The following SATL1 variants were observed in gnomAD, a reference collection of about 807,000 sequenced individuals.
SATL1 encodes the protein spermidine/spermine N1-acetyl transferase like 1.
A neutral mutation model predicts 51.8 loss-of-function variants in SATL1; 47 were observed. The ratio of observed to expected loss-of-function variants is 0.91; its 90% CI spans 0.72 to 1.16. SATL1 has a LOEUF of 1.16. Ranked by LOEUF, SATL1 falls within the 50% of genes most tolerant of loss-of-function variation. The probability of loss-of-function intolerance (pLI) is 0.00; values close to 1 mark genes in which losing one functional copy is unlikely to be tolerated. For missense variants in SATL1, 520 were observed against 526.4 expected (o/e 0.99, Z 0.12); for synonymous variants, 176 against 182.4 (o/e 0.97, Z 0.28).
At chrX:85,220,901 C>T (rs1485862823) in intron 2 of SATL1, among the ~76,000 whole-genome samples, 1 of 110,311 alleles carries the variant, frequency 9.1e-6, no homozygotes, top group South Asian at 3.9e-4. Context: ...AATATGTCCC[C>T]TCTCCTACCA....
At chrX:85,093,390 T>C (rs916506797) in intron 6 of SATL1, 165 bp from the exon 7 acceptor site, 31 of 472,330 alleles carry the variant, frequency 6.6e-5, no homozygotes, top group African/African-American at 5.6e-4. Flanking sequence ...TTTTTCCTAA[T>C]TGGAATGACG....
In SATL1 at chrX:85,240,152, A is replaced by G. The variant is rs151201496; in HGVS notation, c.-435+3436T>C. On this transcript the variant is annotated intron_variant, in intron 1 of 7. Transcript: ENST00000644105. The stretch of plus-strand genomic sequence containing the variant: ...GAAACAACCACATTAAAAGATGGGC[A>G]AAGAACTTAAATGGACGCTTCATCA... Among the ~76,000 whole-genome samples the G allele has an allele frequency of 3.8e-3, 421 of 111,865 alleles. 5 individuals carry two copies. Among genetic ancestry groups the G allele is most frequent in the African/African-American group, 0.012 (379 of 30,849 alleles).
intron 3 of SATL1, among the ~76,000 whole-genome samples, chrX:85,104,741 C>T (rs905343768): frequency 9.9e-5 from 11 of 111,531 alleles, no homozygotes; most frequent in East Asian, 5.7e-4. Flanking sequence ...TACATCCTCT[C>T]ATATATTTTA....
intron 2 of SATL1, among the ~76,000 whole-genome samples, chrX:85,163,672 G>T (rs752365759): frequency 1.5e-4 from 17 of 111,278 alleles, no homozygotes; most frequent in Non-Finnish European, 2.6e-4. Context: ...GACTTGTTTT[G>T]TGGCCTACAA....
intron 2 of SATL1, among the ~76,000 whole-genome samples, chrX:85,202,943 T>A (rs1440348890): frequency 9.0e-6 from 1 of 111,424 alleles, no homozygotes; most frequent in Non-Finnish European, 1.9e-5. Flanking sequence ...GTCCAGAGAG[T>A]TACTGATTTG....
intron 4 of SATL1, among the ~76,000 whole-genome samples, chrX:85,098,951 G>A (rs1924812620): frequency 9.0e-6 from 1 of 110,965 alleles, no homozygotes; most frequent in Non-Finnish European, 1.9e-5. Context: ...AATAAAAATT[G>A]GATAGAGATA....
intron 2 of SATL1, among the ~76,000 whole-genome samples, chrX:85,128,918 T>G (rs1925701009): frequency 8.9e-6 from 1 of 112,058 alleles, no homozygotes; most frequent in Non-Finnish European, 1.9e-5. Flanking sequence ...TTTCCCCATT[T>G]CTTATTTTTG....
rs138311085 is a variant in SATL1 at position 85,173,372 on chromosome X, T to C, written c.-313+50833A>G. On this transcript the variant is annotated intron_variant, in intron 2 of 7. Coordinates refer to ENST00000644105, the MANE Select transcript of SATL1 (RefSeq NM_001367857.2). ...ACTGTAGATATTGAAGGATCAGTAC[T>C]ATCCTTTTTTCTAATGTATACATAA... 5.2e-3 allele frequency among the ~76,000 whole-genome samples: 576 copies of C among 111,686 alleles called. 3 individuals are homozygous for C. The highest frequency in any genetic ancestry group is 8.5e-3 in the Non-Finnish European group (450 of 53,030).
intron 2 of SATL1, among the ~76,000 whole-genome samples, chrX:85,178,621 A>C (rs1247063577): frequency 9.3e-6 from 1 of 107,068 alleles, no homozygotes; most frequent in African/African-American, 3.6e-5. Context: ...CAAAAAAAAA[A>C]AAACAAAAAC....
intron 2 of SATL1, among the ~76,000 whole-genome samples, chrX:85,140,571 T>C (rs1926085561): frequency 1.8e-5 from 2 of 112,160 alleles, no homozygotes; most frequent in African/African-American, 6.5e-5. Flanking sequence ...ATAAGATTAG[T>C]TTTAATGAAT....
chrX:85,174,134 T>C (rs974766646), intron 2 of SATL1, among the ~76,000 whole-genome samples: 3 of 110,049 alleles, frequency 2.7e-5, no homozygotes, highest in Non-Finnish European at 3.8e-5. Flanking sequence ...TAGTATTCCA[T>C]GGTGTATATG....
intron 2 of SATL1, among the ~76,000 whole-genome samples, chrX:85,156,813 TTATATATATATATATATATATATATATA>T (rs71933802): frequency 0.47 from 29,471 of 62,267 alleles, 5,210 homozygotes; most frequent in Middle Eastern, 0.64. Flanking sequence ...CATGTGGAGA[TTATATATATATATATATATATATATATA>T]TATATATATA....
chrX:85,148,213 A>T (rs1320580243), intron 2 of SATL1, among the ~76,000 whole-genome samples: 1 of 111,850 alleles, frequency 8.9e-6, no homozygotes, highest in Non-Finnish European at 1.9e-5. Context: ...CAACTGGAAG[A>T]AAGGGTATCA....
At chrX:85,221,972 C>T (rs1928186930) in intron 2 of SATL1, among the ~76,000 whole-genome samples, 1 of 111,840 alleles carries the variant, frequency 8.9e-6, no homozygotes, top group African/African-American at 3.3e-5. Flanking sequence ...AGAACAGGGT[C>T]TGGGTGGTTA....
chrX:85,118,344 C>T (rs1774462545), intron 2 of SATL1: 1 of 110,122 alleles, frequency 9.1e-6, no homozygotes, highest in Non-Finnish European at 1.9e-5. Context: ...TTACCACACA[C>T]CAGTCTTGTA....
chrX:85,134,610 C>A (rs910721878), intron 2 of SATL1, among the ~76,000 whole-genome samples: 3 of 111,693 alleles, frequency 2.7e-5, no homozygotes, highest in Non-Finnish European at 3.8e-5. Flanking sequence ...ATATCTATCT[C>A]AAAGTAAAGA....
rs777773908 is a variant in SATL1, at chrX:85,168,616, TCAGAGATGACA to T, written c.-313+55578_-313+55588del. ...AACTACAAAACACTGTTCAAAGAAA[TCAGAGATGACA>T]CAAAGAAGTGGAAAAACATTCCATG... On this transcript the variant is annotated intron_variant, in intron 2 of 7. Transcript: ENST00000644105. 3.5e-3 allele frequency among the ~76,000 whole-genome samples: 395 copies of T among 111,293 alleles called. 1 individual carries two copies. The highest frequency in any genetic ancestry group is 5.6e-3 in the Non-Finnish European group (298 of 52,941).
At chrX:85,203,406 G>A (rs377103594) in intron 2 of SATL1, among the ~76,000 whole-genome samples, 16 of 111,528 alleles carry the variant, frequency 1.4e-4, no homozygotes, top group African/African-American at 5.2e-4. Context: ...GAAGGCCAAA[G>A]GCTGGAATGG....
intron 2 of SATL1, among the ~76,000 whole-genome samples, chrX:85,135,292 C>G (rs1411455940): frequency 9.1e-6 from 1 of 110,405 alleles, no homozygotes; most frequent in African/African-American, 3.3e-5. Flanking sequence ...ACCTATGTAA[C>G]AAACCTGCAC....
Sources: gnomAD v4.1 joint callset for allele counts (sites outside exome capture counted in the v4.1 genomes callset) on GRCh38, gnomAD v4.1.1 for gene constraint, MANE v1.5 for transcripts, NCBI Gene and HGNC (gene_info 2026-07-23, HGNC 2026-07-21) for gene names.